DERA: variants seen among roughly 807,000 people sequenced by gnomAD.
DERA encodes deoxyribose-phosphate aldolase.
A neutral mutation model predicts 41.1 loss-of-function variants in DERA; 15 were observed. That is an observed-to-expected ratio of 0.37 (90% CI 0.24 to 0.56). The LOEUF is 0.56. DERA is among the 20% of genes least tolerant of loss of function. The pLI is 0.81. For synonymous variants in DERA, 139 were observed against 137.4 expected (o/e 1.01, Z -0.08); for missense variants, 396 against 403.4 (o/e 0.98, Z 0.16).
chr12:15,953,098 C>T (rs573975898), intron 1 of DERA, among the ~76,000 whole-genome samples: 3 of 152,038 alleles, frequency 2.0e-5, no homozygotes, highest in Non-Finnish European at 2.9e-5. Context: ...TCTGTGGTGA[C>T]CAAAAATGTC....
At position 15,955,433 on chromosome 12, in the gene DERA, G is replaced by T. The variant is rs1040051144; in HGVS notation, c.32-1503G>T. The stretch of plus-strand genomic sequence containing the variant: ...TAGAACAAAAACAGCCCTTGAGTGG[G>T]AAAGCAGAGGCAGATTTCATCGGCC... On this transcript the variant is annotated intron_variant, in intron 1 of 8. Transcript: ENST00000428559. Among the ~76,000 whole-genome samples the T allele has an allele frequency of 2.6e-5, 4 of 152,186 alleles. No homozygotes were observed. In the East Asian group the frequency reaches 7.7e-4, roughly 29 times the overall value.
chr12:16,007,258 A>C (rs1167238952), intron 6 of DERA, among the ~76,000 whole-genome samples: 1 of 145,322 alleles, frequency 6.9e-6, no homozygotes, highest in African/African-American at 2.6e-5. Context: ...ATCTTGGCTC[A>C]CTGCAACCTC....
At position 15,963,074 on chromosome 12, in the gene DERA, T is replaced by C. The variant is rs946970588; in HGVS notation, c.508+127T>C. 88 of 1,305,752 alleles carry C rather than the reference T, an allele frequency of 6.7e-5. 1 individual carries two copies. The highest frequency in any genetic ancestry group is 6.6e-4 in the Middle Eastern group (3 of 4,530). The allele number at this position is 1,305,752 out of a possible 1,614,324, so 80.9% of individuals were successfully genotyped here. On this transcript the variant is annotated intron_variant, in intron 5 of 8. Coordinates refer to ENST00000428559, the MANE Select transcript of DERA (RefSeq NM_015954.4). ...ACAAGTTAGTAGATCAAATGGTGAGTTTAGGAGAAAGCAGGCTAAGATTAC... is the reference window on the plus strand; with the variant it reads ...ACAAGTTAGTAGATCAAATGGTGAGCTTAGGAGAAAGCAGGCTAAGATTAC...
Position 15,989,270 on chromosome 12 carries a change from G to A in DERA, c.637+6834G>A, listed in dbSNP as rs1055571821. 2.0e-5 allele frequency among the ~76,000 whole-genome samples: 3 copies of A among 152,194 alleles called. No homozygotes were observed. The highest frequency in any genetic ancestry group is 6.5e-5 in the Admixed American group (1 of 15,284). On this transcript the variant is annotated intron_variant, in intron 6 of 8. Transcript: ENST00000428559. This position sits in a 1 kb window ranked among gnomAD's most constrained non-coding sequence, Gnocchi z 5.2. ...CCCCCGCTGCAACTGGCATCCCCAC[G>A]GTGGCTGCTCCAGACAGGCCACTGC...
rs1948872956 is a variant in DERA, at chr12:16,001,256, T to G, written c.637+18820T>G. Among the ~76,000 whole-genome samples, 1 of 152,178 alleles carries G rather than the reference T, an allele frequency of 6.6e-6. No individual in the cohort carries two copies. The highest frequency in any genetic ancestry group is 2.4e-5 in the African/African-American group (1 of 41,424). ...ACATTCTGCACATGTTTATCCTATTTTTTTGTTTGTTTGTTTGTTTTTAGA... is the reference window on the plus strand; with the variant it reads ...ACATTCTGCACATGTTTATCCTATTGTTTTGTTTGTTTGTTTGTTTTTAGA... On this transcript the variant is annotated intron_variant, in intron 6 of 8. Coordinates refer to ENST00000428559, the MANE Select transcript of DERA (RefSeq NM_015954.4). This position sits in a 1 kb window ranked among gnomAD's most constrained non-coding sequence, Gnocchi z 4.1.
chr12:15,969,769 A>G (rs927114867), intron 5 of DERA, among the ~76,000 whole-genome samples: 3 of 152,234 alleles, frequency 2.0e-5, no homozygotes, highest in African/African-American at 7.2e-5. Flanking sequence ...GATGGTAGAA[A>G]GAACATCTCA....
rs1327383979 is a variant in DERA at position 15,941,283 on chromosome 12, T to C, written c.32-15653T>C. The stretch of plus-strand genomic sequence containing the variant: ...CTCAGGCCGGGGCTCAACTAGCTGC[T>C]ATAGCAAATGGGTATAACAGAGACA... On this transcript the variant is annotated intron_variant, in intron 1 of 8. Transcript: ENST00000428559. The surrounding 1 kb of genome is among the most constrained non-coding windows in gnomAD (Gnocchi z 4.5). 6.6e-6 allele frequency among the ~76,000 whole-genome samples: 1 copy of C among 152,192 alleles called. No individual in the cohort carries two copies. Among genetic ancestry groups the C allele is most frequent in the Non-Finnish European group, 1.5e-5 (1 of 68,026 alleles).
chr12:16,035,517 A>G lies in DERA; in HGVS notation c.751-715A>G, dbSNP rs1256281070. On this transcript the variant is annotated intron_variant, in intron 7 of 8. Coordinates refer to ENST00000428559, the MANE Select transcript of DERA (RefSeq NM_015954.4). The surrounding 1 kb of genome is among the most constrained non-coding windows in gnomAD (Gnocchi z 4.1). The stretch of plus-strand genomic sequence containing the variant: ...CTTTCATTTCCTAATGGATCCAGGG[A>G]CATCATTTACGAATATCAGATATTG... Among the ~76,000 whole-genome samples the G allele has an allele frequency of 1.3e-5, 2 of 152,158 alleles. No individual in the cohort carries two copies. Among genetic ancestry groups the G allele is most frequent in the African/African-American group, 4.8e-5 (2 of 41,428 alleles).
rs1948841697 is a variant in DERA at position 15,996,881 on chromosome 12, A to T, written c.637+14445A>T. ...GGATAGGGGAAATCTAGTAGATATTAAATATTTTTATCTGCAAAAAGCATT... is the reference window on the plus strand; with the variant it reads ...GGATAGGGGAAATCTAGTAGATATTTAATATTTTTATCTGCAAAAAGCATT... On this transcript the variant is annotated intron_variant, in intron 6 of 8. Coordinates refer to ENST00000428559, the MANE Select transcript of DERA (RefSeq NM_015954.4). The surrounding 1 kb of genome is among the most constrained non-coding windows in gnomAD (Gnocchi z 4.7). Among the ~76,000 whole-genome samples the T allele has an allele frequency of 6.6e-6, 1 of 152,212 alleles. No homozygotes were observed. The highest frequency in any genetic ancestry group is 2.4e-5 in the African/African-American group (1 of 41,454).
At chr12:16,029,516 A>T (rs1317402807) in intron 6 of DERA, among the ~76,000 whole-genome samples, 1 of 152,188 alleles carries the variant, frequency 6.6e-6, no homozygotes, top group Non-Finnish European at 1.5e-5. Flanking sequence ...GGAATGAAAC[A>T]CAAGATTATT....
chr12:16,014,880 C>T lies in DERA; in HGVS notation c.638-17662C>T, dbSNP rs537229071. ...CCATTGGAACCCACCTCTGCATCAG[C>T]GTGACCTTGATATGAGACATGGAGT... On this transcript the variant is annotated intron_variant, in intron 6 of 8. Transcript: ENST00000428559. The surrounding 1 kb of genome is among the most constrained non-coding windows in gnomAD (Gnocchi z 5.4). 2.6e-5 allele frequency among the ~76,000 whole-genome samples: 4 copies of T among 152,298 alleles called. No individual in the cohort carries two copies. The highest frequency in any genetic ancestry group is 4.8e-5 in the African/African-American group (2 of 41,560).
At chr12:15,969,423 A>T (rs915233976) in intron 5 of DERA, among the ~76,000 whole-genome samples, 9 of 152,306 alleles carry the variant, frequency 5.9e-5, no homozygotes, top group South Asian at 2.1e-4. Context: ...CTCATTCCAC[A>T]CTGGAGCACC....
chr12:15,968,925 T>A (rs1482665780), intron 5 of DERA, among the ~76,000 whole-genome samples: 1 of 152,196 alleles, frequency 6.6e-6, no homozygotes, highest in African/African-American at 2.4e-5. Flanking sequence ...TTTGATAATT[T>A]ATACCTAGAC....
At chr12:15,925,600 A>T (rs1948276232) in intron 1 of DERA, among the ~76,000 whole-genome samples, 1 of 152,208 alleles carries the variant, frequency 6.6e-6, no homozygotes, top group Non-Finnish European at 1.5e-5. Context: ...TTACCTTTAT[A>T]ACTTATCTGT....
chr12:15,918,202 C>T lies in DERA; in HGVS notation c.31+6788C>T, dbSNP rs975596694. Among the ~76,000 whole-genome samples, 3 of 152,188 alleles carry T rather than the reference C, an allele frequency of 2.0e-5. No individual in the cohort carries two copies. Among genetic ancestry groups the T allele is most frequent in the Non-Finnish European group, 2.9e-5 (2 of 68,040 alleles). ...TCCTGTGAGTCTGCCTTCCTCATCCCGCTGGTGCTTGGTCCCCCACAGCAG... is the reference window on the plus strand; with the variant it reads ...TCCTGTGAGTCTGCCTTCCTCATCCTGCTGGTGCTTGGTCCCCCACAGCAG... On this transcript the variant is annotated intron_variant, in intron 1 of 8. Coordinates refer to ENST00000428559, the MANE Select transcript of DERA (RefSeq NM_015954.4). This position sits in a 1 kb window ranked among gnomAD's most constrained non-coding sequence, Gnocchi z 4.3.
chr12:15,945,051 A>G (rs927272510), intron 1 of DERA, among the ~76,000 whole-genome samples: 1 of 152,026 alleles, frequency 6.6e-6, no homozygotes, highest in East Asian at 1.9e-4. Context: ...GACGTGTGGT[A>G]TTATTTCTGA....
Position 15,998,311 on chromosome 12 carries a change from C to CTTTA in DERA, c.637+15896_637+15899dup, listed in dbSNP as rs58100447. Among the ~76,000 whole-genome samples, 308 of 151,658 alleles carry CTTTA rather than the reference C, an allele frequency of 2.0e-3. 1 individual carries two copies. The highest frequency in any genetic ancestry group is 0.01 in the Middle Eastern group (3 of 292). ...CTAATGTTAACACAGGAAGTCTTTC[C>CTTTA]TTTATTTATTTATTTATTTATTTAG... On this transcript the variant is annotated intron_variant, in intron 6 of 8. Transcript: ENST00000428559. This position sits in a 1 kb window ranked among gnomAD's most constrained non-coding sequence, Gnocchi z 4.8.
rs1479015783 is a variant in DERA, at chr12:15,965,064, C to G, written c.508+2117C>G. Among the ~76,000 whole-genome samples, 2 of 152,146 alleles carry G rather than the reference C, an allele frequency of 1.3e-5. No individual in the cohort carries two copies. The highest frequency in any genetic ancestry group is 4.8e-5 in the African/African-American group (2 of 41,408). On this transcript the variant is annotated intron_variant, in intron 5 of 8. Transcript: ENST00000428559. The surrounding 1 kb of genome is among the most constrained non-coding windows in gnomAD (Gnocchi z 4.1). ...AATAGAAACCTGAAATGACTTAGGA[C>G]TTTTTGCTGCAATATTTTGTCTTAA...
In DERA at chr12:15,922,703, GT is replaced by G. The variant is rs1358370929; in HGVS notation, c.31+11290del. Among the ~76,000 whole-genome samples the G allele has an allele frequency of 6.6e-6, 1 of 151,866 alleles. No homozygotes were observed. The highest frequency in any genetic ancestry group is 1.9e-4 in the East Asian group (1 of 5,198). On this transcript the variant is annotated intron_variant, in intron 1 of 8. Transcript: ENST00000428559. The surrounding 1 kb of genome is among the most constrained non-coding windows in gnomAD (Gnocchi z 4.9). ...CCATTTGTGCTTCATTGAATGCACT[GT>G]GGTTTATCTGGGAAGGATACAGGAT...
Sources: gnomAD v4.1 joint callset for allele counts (sites outside exome capture counted in the v4.1 genomes callset) on GRCh38, gnomAD v4.1.1 for gene constraint, Gnocchi (gnomAD v3.1) non-coding constraint, MANE v1.5 for transcripts, NCBI Gene and HGNC (gene_info 2026-07-23, HGNC 2026-07-21) for gene names.